Variants in MAML3 observed in about 807,000 individuals in gnomAD.
MAML3 encodes mastermind-like protein 3.
In MAML3, 27 loss-of-function variants were observed where a neutral mutation model predicts 101.9. The observed-to-expected ratio is 0.27, with a 90% CI of 0.20 to 0.37. The LOEUF (loss-of-function observed/expected upper bound fraction) is 0.37, where lower values mean the gene tolerates loss of function less well. Among genes scored for constraint, MAML3 ranks in the 10% least tolerant of loss-of-function variants. The pLI is 1.00. For synonymous variants in MAML3, 501 were observed against 555.9 expected (o/e 0.90, Z 1.39); for missense variants, 1,316 against 1,444.9 (o/e 0.91, Z 1.45).
intron 1 of MAML3, among the ~76,000 whole-genome samples, chr4:140,016,646 T>C (rs1726646392): frequency 6.6e-6 from 1 of 152,174 alleles, no homozygotes; most frequent in Admixed American, 6.5e-5. Flanking sequence ...ACAAATATGT[T>C]CAATTTATTT....
chr4:139,832,631 A>G (rs1731188403), intron 2 of MAML3, among the ~76,000 whole-genome samples: 1 of 152,216 alleles, frequency 6.6e-6, no homozygotes, highest in Admixed American at 6.5e-5. Context: ...GGATTGACCC[A>G]ACAACAGGAA....
chr4:140,071,788 A>AGAGAGAGAGAG (rs1560884538), intron 1 of MAML3, among the ~76,000 whole-genome samples: 116 of 149,576 alleles, frequency 7.8e-4, no homozygotes, highest in Middle Eastern at 3.4e-3. Context: ...AGAGAGAGAG[A>AGAGAGAGAGAG]AGGCACGCAT....
At chr4:140,085,239 C>G (rs1269532201) in intron 1 of MAML3, among the ~76,000 whole-genome samples, 2 of 152,202 alleles carry the variant, frequency 1.3e-5, no homozygotes, top group African/African-American at 4.8e-5. Flanking sequence ...AAGCTCTTAA[C>G]AAACGGGTAA....
chr4:139,763,981 T>C (rs1729805295), intron 2 of MAML3, among the ~76,000 whole-genome samples: 2 of 152,098 alleles, frequency 1.3e-5, no homozygotes, highest in Admixed American at 6.5e-5. Context: ...CCACAAGAAA[T>C]GGGTGAAGGG....
chr4:140,045,206 C>A (rs1452931894), intron 1 of MAML3, among the ~76,000 whole-genome samples: 1 of 152,038 alleles, frequency 6.6e-6, no homozygotes, highest in African/African-American at 2.4e-5. Context: ...ACCAGCCTGG[C>A]CAACATGATG....
At chr4:140,143,474 G>C (rs1289189392) in intron 1 of MAML3, among the ~76,000 whole-genome samples, 2 of 152,134 alleles carry the variant, frequency 1.3e-5, no homozygotes, top group Non-Finnish European at 2.9e-5. Context: ...TGAAAAGAAT[G>C]ACAACTGGCC....
chr4:139,928,521 T>A lies in MAML3; in HGVS notation c.469-37554A>T, dbSNP rs144999632. On this transcript the variant is annotated intron_variant, in intron 1 of 4. Coordinates refer to ENST00000509479, the MANE Select transcript of MAML3 (RefSeq NM_018717.5). The stretch of plus-strand genomic sequence containing the variant: ...TCCCATTGAAAAAATAATGAAAGGC[T>A]TCATGGAGAAGCTGTGGATCTGTAA... 1.8e-4 allele frequency among the ~76,000 whole-genome samples: 28 copies of A among 152,226 alleles called. No individual in the cohort carries two copies. In the East Asian group the frequency reaches 5.4e-3, roughly 29 times the overall value.
intron 1 of MAML3, among the ~76,000 whole-genome samples, chr4:140,047,836 T>G (rs1216627853): frequency 6.6e-6 from 1 of 151,770 alleles, no homozygotes; most frequent in Non-Finnish European, 1.5e-5. Context: ...GAGTGAAGTT[T>G]GAAGACTGTC....
chr4:139,897,656 G>C (rs1732639083), intron 1 of MAML3, among the ~76,000 whole-genome samples: 1 of 152,134 alleles, frequency 6.6e-6, no homozygotes, highest in Admixed American at 6.5e-5. Flanking sequence ...ACCAGCCTCA[G>C]TCTCGCCACC....
chr4:140,082,125 AC>A (rs1210487998), intron 1 of MAML3, among the ~76,000 whole-genome samples: 28 of 152,326 alleles, frequency 1.8e-4, no homozygotes, highest in Non-Finnish European at 1.0e-4. Context: ...AATGTAAGCA[AC>A]AGAGTAGGAA....
intron 1 of MAML3, chr4:140,134,127 T>G (rs961223285): frequency 2.2e-6 from 1 of 456,482 alleles, no homozygotes; most frequent in African/African-American, 2.0e-5. Context: ...GCAAGAAGAG[T>G]CAACTGCAGG....
At chr4:139,889,213 C>T (rs149607210) in intron 2 of MAML3, 144 bp downstream of exon 2, 6 of 1,485,550 alleles carry the variant, frequency 4.0e-6, no homozygotes, top group Non-Finnish European at 5.6e-6. Context: ...ACACTCCAAA[C>T]CTGGCCACTA....
At chr4:139,760,767 T>C (rs1729741573) in intron 2 of MAML3, among the ~76,000 whole-genome samples, 1 of 152,160 alleles carries the variant, frequency 6.6e-6, no homozygotes, top group South Asian at 2.1e-4. Context: ...CTGAAAGAGA[T>C]ACCAAGAGGC....
chr4:139,784,681 T>C (rs1339071151), intron 2 of MAML3, among the ~76,000 whole-genome samples: 1 of 152,174 alleles, frequency 6.6e-6, no homozygotes, highest in Non-Finnish European at 1.5e-5. Context: ...CCCAATGTAC[T>C]ATTCTCTCCA....
intron 2 of MAML3, among the ~76,000 whole-genome samples, chr4:139,799,459 A>T (rs1018835490): frequency 1.3e-5 from 2 of 152,230 alleles, no homozygotes; most frequent in East Asian, 3.8e-4. Flanking sequence ...TAAAGTGTGT[A>T]CTGTGCATGT....
At chr4:140,039,466 C>G in intron 1 of MAML3, among the ~76,000 whole-genome samples, 1 of 152,150 alleles carries the variant, frequency 6.6e-6, no homozygotes, top group East Asian at 1.9e-4. Context: ...ACTAAACATG[C>G]CTTGATCAGA....
At chr4:139,889,252 A>T (rs757064611) in intron 2 of MAML3, 105 bp downstream of exon 2, 4 of 1,604,106 alleles carry the variant, frequency 2.5e-6, no homozygotes, top group Non-Finnish European at 3.4e-6. Context: ...GGTTTTCTGC[A>T]GGCAATTAGA....
intron 2 of MAML3, among the ~76,000 whole-genome samples, chr4:139,819,304 A>G (rs1450784575): frequency 1.3e-5 from 2 of 152,192 alleles, no homozygotes; most frequent in Non-Finnish European, 2.9e-5. Flanking sequence ...AGAAAGAGAA[A>G]GAACAGTGTT....
At chr4:140,022,345 A>G (rs1201584108) in intron 1 of MAML3, among the ~76,000 whole-genome samples, 1 of 152,230 alleles carries the variant, frequency 6.6e-6, no homozygotes, top group Non-Finnish European at 1.5e-5. Context: ...CAGCCTGTTC[A>G]TAAATTGAAG....
Sources: gnomAD v4.1 joint callset for allele counts (sites outside exome capture counted in the v4.1 genomes callset) on GRCh38, gnomAD v4.1.1 for gene constraint, MANE v1.5 for transcripts, NCBI Gene and HGNC (gene_info 2026-07-23, HGNC 2026-07-21) for gene names.